Variants in CDYL2 observed in about 807,000 individuals in gnomAD.
The protein encoded by CDYL2 is chromodomain Y-like protein 2.
Under a neutral mutation model 49.4 loss-of-function variants are expected in CDYL2, and 23 were observed. The ratio of observed to expected loss-of-function variants is 0.47; its 90% CI spans 0.34 to 0.66. The LOEUF (loss-of-function observed/expected upper bound fraction) is 0.66, where lower values mean the gene tolerates loss of function less well. CDYL2 is among the 30% of genes least tolerant of loss of function. The pLI, the probability that CDYL2 is intolerant of heterozygous loss-of-function variation, is 0.01. For synonymous variants in CDYL2, 360 were observed against 268.8 expected (o/e 1.34, Z -3.32); for missense variants, 678 against 656.4 (o/e 1.03, Z -0.36).
intron 1 of CDYL2, among the ~76,000 whole-genome samples, chr16:80,747,132 C>A (rs1286154574): frequency 6.6e-6 from 1 of 151,910 alleles, no homozygotes; most frequent in Non-Finnish European, 1.5e-5. Flanking sequence ...AGAAAATCAG[C>A]AAAACAAAAT....
intron 1 of CDYL2, among the ~76,000 whole-genome samples, chr16:80,688,816 T>C (rs949972519): frequency 1.3e-5 from 2 of 152,218 alleles, no homozygotes; most frequent in African/African-American, 2.4e-5. Context: ...TGACCTTGCA[T>C]ATGACTGCAA....
intron 2 of CDYL2, among the ~76,000 whole-genome samples, chr16:80,671,442 G>A (rs978365092): frequency 6.6e-6 from 1 of 152,160 alleles, no homozygotes; most frequent in Admixed American, 6.5e-5. Flanking sequence ...CCTGCACCTG[G>A]CCCCAGCCTG....
intron 1 of CDYL2, among the ~76,000 whole-genome samples, chr16:80,768,702 G>A (rs1906809624): frequency 6.6e-6 from 1 of 152,186 alleles, no homozygotes. Flanking sequence ...GGATGAGAAG[G>A]AAGTAATCTG....
In CDYL2 at chr16:80,602,268, G is replaced by A. The variant is rs1298751578; in HGVS notation, c.*2120C>T. On this transcript the variant is annotated 3_prime_UTR_variant, in exon 7 of 7. Coordinates refer to ENST00000570137, the MANE Select transcript of CDYL2 (RefSeq NM_152342.4). The stretch of plus-strand genomic sequence containing the variant: ...GTCTCCCTATAGTAACTCCCTGTAG[G>A]ACAGGTCCGAAGTCCTTACAGGATC... 6.6e-6 allele frequency: 1 copy of A among 152,204 alleles called. No individual in the cohort carries two copies. Among genetic ancestry groups the A allele is most frequent in the Non-Finnish European group, 1.5e-5 (1 of 68,054 alleles). 9.4% of individuals were successfully genotyped at this position (152,204 alleles called of 1,614,324 possible).
intron 1 of CDYL2, among the ~76,000 whole-genome samples, chr16:80,775,452 G>A (rs1489271709): frequency 6.6e-6 from 1 of 151,832 alleles, no homozygotes; most frequent in Non-Finnish European, 1.5e-5. Context: ...CTTTTTCAAG[G>A]GGGGTGGGTT....
chr16:80,733,057 C>T (rs941420764), intron 1 of CDYL2, among the ~76,000 whole-genome samples: 3 of 152,168 alleles, frequency 2.0e-5, no homozygotes, highest in African/African-American at 7.2e-5. Flanking sequence ...AGCAACAAGC[C>T]AATGTAGCCT....
intron 1 of CDYL2, among the ~76,000 whole-genome samples, chr16:80,803,480 C>G (rs1246749369): frequency 6.6e-6 from 1 of 152,134 alleles, no homozygotes; most frequent in East Asian, 1.9e-4. Context: ...GGGCCACCCC[C>G]ACGCCCGAGC....
intron 1 of CDYL2, among the ~76,000 whole-genome samples, chr16:80,687,276 C>T (rs1479872393): frequency 1.3e-5 from 2 of 152,124 alleles, no homozygotes; most frequent in South Asian, 4.2e-4. Flanking sequence ...CAGCTCTAGA[C>T]AATATATGCT....
chr16:80,727,417 T>A (rs1030546932), intron 1 of CDYL2, among the ~76,000 whole-genome samples: 3 of 152,082 alleles, frequency 2.0e-5, no homozygotes, highest in African/African-American at 7.2e-5. Flanking sequence ...CACCAGGAGA[T>A]TATATCCCGC....
intron 2 of CDYL2, among the ~76,000 whole-genome samples, chr16:80,665,858 C>A (rs1325942750): frequency 6.6e-6 from 1 of 152,174 alleles, no homozygotes; most frequent in East Asian, 1.9e-4. Context: ...GTCCTGCAAC[C>A]CATTCTTTGT....
intron 2 of CDYL2, among the ~76,000 whole-genome samples, chr16:80,653,880 G>A (rs1040346509): frequency 3.9e-5 from 6 of 152,304 alleles, no homozygotes; most frequent in Admixed American, 1.3e-4. Flanking sequence ...AAATCAGGCT[G>A]CTCCAGGGTC....
chr16:80,601,933 C>G lies in CDYL2; in HGVS notation c.*2455G>C, dbSNP rs1906104720. On this transcript the variant is annotated 3_prime_UTR_variant, in exon 7 of 7. Coordinates refer to ENST00000570137, the MANE Select transcript of CDYL2 (RefSeq NM_152342.4). ...TAGTACATCCAAAGCTGAAGCATTT[C>G]TAGTTCTTTCAAGCAGGGAATGAAG... is the stretch of plus-strand genomic sequence containing the variant. 6.6e-6 allele frequency: 1 copy of G among 152,146 alleles called. No individual in the cohort carries two copies. The highest frequency in any genetic ancestry group is 2.4e-5 in the African/African-American group (1 of 41,446). 9.4% of individuals were successfully genotyped at this position (152,146 alleles called of 1,614,324 possible).
Position 80,620,897 on chromosome 16 carries a change from G to A in CDYL2, c.873C>T (p.Ala291=), listed in dbSNP as rs139799393. 9.3e-6 allele frequency: 15 copies of A among 1,610,290 alleles called. No individual in the cohort carries two copies. In the Middle Eastern group the frequency reaches 5.0e-4, roughly 54 times the overall value. ...GGAGCAGCAGTTTGCTGTCGTCTGT[G>A]GCTGCGTTGCAGAGCGCTCGCCGGA... ...KEVRRALCNA[A]TDDSKLLLLS... Residue 291 remains alanine (A), a synonymous_variant, in exon 4 of 7, where the codon GCC becomes GCT. Coordinates refer to ENST00000570137, the MANE Select transcript of CDYL2 (RefSeq NM_152342.4).
At chr16:80,729,539 C>G (rs902081129) in intron 1 of CDYL2, among the ~76,000 whole-genome samples, 11 of 152,096 alleles carry the variant, frequency 7.2e-5, no homozygotes, top group African/African-American at 2.7e-4. Flanking sequence ...TTAGACAGAT[C>G]AACGAGACAG....
chr16:80,605,985 C>T (rs189205808), intron 6 of CDYL2, among the ~76,000 whole-genome samples: 1 of 152,362 alleles, frequency 6.6e-6, no homozygotes, highest in Non-Finnish European at 1.5e-5. Flanking sequence ...AACAGCCACG[C>T]TGCTGCTGCC....
At chr16:80,684,263 G>A (rs370040482) in intron 2 of CDYL2, among the ~76,000 whole-genome samples, 8 of 152,272 alleles carry the variant, frequency 5.3e-5, no homozygotes, top group South Asian at 2.1e-4. Flanking sequence ...CATGGCCTTG[G>A]GTGTCTTGAA....
intron 1 of CDYL2, among the ~76,000 whole-genome samples, chr16:80,772,154 A>C (rs539576996): frequency 4.6e-4 from 70 of 152,342 alleles, no homozygotes; most frequent in Non-Finnish European, 8.4e-4. Flanking sequence ...ACATCCTTCA[A>C]AACTAAATGT....
intron 3 of CDYL2, among the ~76,000 whole-genome samples, chr16:80,624,541 C>T (rs1907221806): frequency 6.6e-6 from 1 of 151,794 alleles, no homozygotes; most frequent in South Asian, 2.1e-4. Flanking sequence ...GGGAATTACA[C>T]AGGAAAAAAA....
At chr16:80,688,906 C>T (rs1314392385) in intron 1 of CDYL2, among the ~76,000 whole-genome samples, 1 of 152,114 alleles carries the variant, frequency 6.6e-6, no homozygotes, top group African/African-American at 2.4e-5. Flanking sequence ...CAAAAACAAA[C>T]AAACAAAAAC....
Sources: gnomAD v4.1 joint callset for allele counts (sites outside exome capture counted in the v4.1 genomes callset) on GRCh38, gnomAD v4.1.1 for gene constraint, MANE v1.5 for transcripts, NCBI Gene and HGNC (gene_info 2026-07-23, HGNC 2026-07-21) for gene names.